Variants in PHKB observed in about 807,000 individuals in gnomAD.
The protein encoded by PHKB is phosphorylase kinase regulatory subunit beta.
A neutral mutation model predicts 152.1 loss-of-function variants in PHKB; 122 were observed. The observed-to-expected ratio is 0.80, with a 90% CI of 0.69 to 0.93. The LOEUF is 0.93. Among genes scored for constraint, PHKB ranks in the 40% least tolerant of loss-of-function variants. The probability of loss-of-function intolerance (pLI) is 0.00; values close to 1 mark genes in which losing one functional copy is unlikely to be tolerated. For synonymous variants in PHKB, 436 were observed against 464.9 expected (o/e 0.94, Z 0.80); for missense variants, 1,304 against 1,328.4 (o/e 0.98, Z 0.29).
At chr16:47,670,133 G>A (rs1973613328) in intron 26 of PHKB, among the ~76,000 whole-genome samples, 1 of 152,188 alleles carries the variant, frequency 6.6e-6, no homozygotes, top group Non-Finnish European at 1.5e-5. Flanking sequence ...ACAAGCTAAG[G>A]AAGTATAAAT....
chr16:47,548,490 C>T (rs1026472213), intron 7 of PHKB, among the ~76,000 whole-genome samples: 1 of 151,958 alleles, frequency 6.6e-6, no homozygotes, highest in African/African-American at 2.4e-5. Flanking sequence ...GCCTGTAATC[C>T]CAGCAACTGG....
rs1974212221 is a variant in PHKB, at chr16:47,699,510, C to A, written c.*144C>A. 2.3e-6 allele frequency: 2 copies of A among 887,800 alleles called. No homozygotes were observed. The highest frequency in any genetic ancestry group is 2.7e-5 in the South Asian group (2 of 75,304). 55.0% of individuals were successfully genotyped at this position (887,800 alleles called of 1,614,324 possible). A position where few individuals can be genotyped will look rare whatever the true frequency, so the allele number is the denominator to read the frequency against. The stretch of plus-strand genomic sequence containing the variant: ...CCACATCCTTGGCGGGGTTATGGAC[C>A]TCTTGCATGTCATAGCCAATCTAAC... On this transcript the variant is annotated 3_prime_UTR_variant, in exon 31 of 31. Coordinates refer to ENST00000323584, the MANE Select transcript of PHKB (RefSeq NM_000293.3).
At chr16:47,583,028 C>T (rs535771821) in intron 8 of PHKB, among the ~76,000 whole-genome samples, 3 of 152,242 alleles carry the variant, frequency 2.0e-5, no homozygotes, top group South Asian at 2.1e-4. Flanking sequence ...AACTCCTTAC[C>T]TCAGGTGATC....
intron 1 of PHKB, among the ~76,000 whole-genome samples, chr16:47,481,188 C>T (rs536384404): frequency 2.6e-5 from 4 of 151,956 alleles, no homozygotes; most frequent in Non-Finnish European, 5.9e-5. Context: ...AGTGACTTTT[C>T]GTGAAATTAA....
chr16:47,640,707 C>T (rs2151726142), intron 14 of PHKB, among the ~76,000 whole-genome samples: 1 of 152,106 alleles, frequency 6.6e-6, no homozygotes, highest in East Asian at 1.9e-4. Flanking sequence ...TCCTCCTCTT[C>T]CCTTTAGAGT....
intron 20 of PHKB, among the ~76,000 whole-genome samples, chr16:47,654,785 C>T (rs953997034): frequency 7.1e-6 from 1 of 140,578 alleles, no homozygotes; most frequent in Non-Finnish European, 1.5e-5. Flanking sequence ...GGGAACATCA[C>T]ACACCAGGGC....
intron 14 of PHKB, among the ~76,000 whole-genome samples, chr16:47,619,737 G>T (rs1972584493): frequency 6.6e-6 from 1 of 152,164 alleles, no homozygotes; most frequent in Non-Finnish European, 1.5e-5. Context: ...TGAGATAATG[G>T]TTTCTTGAAG....
At chr16:47,553,165 T>G (rs995245564) in intron 7 of PHKB, among the ~76,000 whole-genome samples, 2 of 152,154 alleles carry the variant, frequency 1.3e-5, no homozygotes, top group Non-Finnish European at 2.9e-5. Flanking sequence ...TACTTTCAGG[T>G]ACACCAACCA....
At chr16:47,565,140 A>G (rs1464553951) in intron 7 of PHKB, 2 of 538,304 alleles carry the variant, frequency 3.7e-6, no homozygotes, top group East Asian at 4.9e-5. Context: ...ACAGCAGCAT[A>G]CTTGCTTGCA....
At chr16:47,693,743 T>A (rs997783136) in intron 28 of PHKB, among the ~76,000 whole-genome samples, 1 of 152,194 alleles carries the variant, frequency 6.6e-6, no homozygotes, top group South Asian at 2.1e-4. Context: ...AAGGCTCACT[T>A]TACCAAATGG....
In PHKB at chr16:47,588,933, T is replaced by C. The variant is rs1019001691; in HGVS notation, c.899T>C (p.Ile300Thr). Residue 300 changes from isoleucine (I) to threonine (T), a missense_variant, in exon 10 of 31, where the codon ATC (isoleucine) becomes ACC (threonine). Ile to Thr is a moderately conservative substitution (Grantham distance 89). Transcript: ENST00000323584. The stretch of plus-strand genomic sequence containing the variant: ...ACAGATGCTGCCCTGCTCCCCTGCA[T>C]CAGTTATCCTGCATTTGCCCTGGAT... ...HNTDAALLPC[I>T]SYPAFALDDE... is the part of the protein sequence containing the mutation. 1 of 1,613,966 alleles carries C rather than the reference T, an allele frequency of 6.2e-7. No homozygotes were observed. Among genetic ancestry groups the C allele is most frequent in the Non-Finnish European group, 8.5e-7 (1 of 1,179,872 alleles).
At chr16:47,584,058 G>GA (rs548769555) in intron 8 of PHKB, among the ~76,000 whole-genome samples, 52 of 143,358 alleles carry the variant, frequency 3.6e-4, no homozygotes, top group East Asian at 1.4e-3. Context: ...ATTATTCAAG[G>GA]AAAAAAAAAA....
intron 16 of PHKB, among the ~76,000 whole-genome samples, chr16:47,642,155 TA>T (rs1272505999): frequency 1.3e-5 from 2 of 151,926 alleles, no homozygotes; most frequent in Non-Finnish European, 1.5e-5. Context: ...AAGGTTTGTT[TA>T]AAAAAAACGT....
At chr16:47,530,263 G>A (rs2151661290) in intron 6 of PHKB, among the ~76,000 whole-genome samples, 1 of 150,856 alleles carries the variant, frequency 6.6e-6, no homozygotes, top group South Asian at 2.1e-4. Context: ...AGCCACCTAA[G>A]TAGCTGGGAT....
At chr16:47,596,606 T>C in intron 13 of PHKB, 75 bp downstream of exon 13, 5 of 1,410,278 alleles carry the variant, frequency 3.5e-6, no homozygotes, top group Non-Finnish European at 5.0e-6. Context: ...CCTTTGCTGG[T>C]GTTTATGTTG....
At chr16:47,544,057 T>G (rs1017984784) in intron 6 of PHKB, among the ~76,000 whole-genome samples, 3 of 152,194 alleles carry the variant, frequency 2.0e-5, no homozygotes, top group African/African-American at 7.2e-5. Context: ...TTCATTGATT[T>G]TTTGAAGGAT....
Position 47,674,959 on chromosome 16 carries a change from T to G in PHKB, c.2630+5542T>G, listed in dbSNP as rs556145459. 3.9e-5 allele frequency among the ~76,000 whole-genome samples: 6 copies of G among 152,288 alleles called. No individual in the cohort carries two copies. In the South Asian group the frequency reaches 1.2e-3, roughly 32 times the overall value. ...GAGTTACAAGTGGAAAGCCTTGAAT[T>G]TTATTCCCATTTCTGCCAGTAACTT... is the stretch of plus-strand genomic sequence containing the variant. On this transcript the variant is annotated intron_variant, in intron 26 of 30. Coordinates refer to ENST00000323584, the MANE Select transcript of PHKB (RefSeq NM_000293.3).
intron 7 of PHKB, among the ~76,000 whole-genome samples, chr16:47,557,623 A>C (rs113821523): frequency 6.6e-6 from 1 of 152,364 alleles, no homozygotes. Context: ...GCCAAAAAGC[A>C]CATGAAAAAA....
At chr16:47,489,023 A>G (rs192841528) in intron 1 of PHKB, among the ~76,000 whole-genome samples, 1 of 152,032 alleles carries the variant, frequency 6.6e-6, no homozygotes, top group African/African-American at 2.4e-5. Context: ...GAATTTGTAA[A>G]TTGCTTTGAG....
Sources: allele counts gnomAD v4.1 joint callset (sites outside exome capture counted in the v4.1 genomes callset), GRCh38; gene constraint gnomAD v4.1.1; transcripts MANE v1.5; gene names NCBI Gene and HGNC (gene_info 2026-07-23, HGNC 2026-07-21).